Variants in PDRG1 observed in about 807,000 individuals in gnomAD.
PDRG1 encodes p53 and DNA damage regulated 1.
In PDRG1, 14 loss-of-function variants were observed where a neutral mutation model predicts 18.4. That is an observed-to-expected ratio of 0.76 (90% CI 0.50 to 1.19). The LOEUF (loss-of-function observed/expected upper bound fraction) is 1.19. Ranked by LOEUF, PDRG1 falls within the 50% of genes most tolerant of loss-of-function variation. The pLI is 0.00. For synonymous variants in PDRG1, 65 were observed against 60.9 expected (o/e 1.07, Z -0.31); for missense variants, 177 against 160.1 (o/e 1.11, Z -0.57).
chr20:31,951,326 A>G (rs2064350470), intron 1 of PDRG1, among the ~76,000 whole-genome samples: 1 of 152,064 alleles, frequency 6.6e-6, no homozygotes, highest in Non-Finnish European at 1.5e-5. Context: ...CCCCTCACCC[A>G]TCTCCCTGCC....
intron 3 of PDRG1, among the ~76,000 whole-genome samples, chr20:31,946,833 G>A (rs897900573): frequency 1.3e-5 from 2 of 152,176 alleles, no homozygotes; most frequent in Non-Finnish European, 2.9e-5. Flanking sequence ...ACCTTGGGGT[G>A]GTCAGTGGAT....
rs547941675 is a variant in PDRG1, at chr20:31,945,375, G to A, written c.*432C>T. 4.5e-5 allele frequency: 7 copies of A among 155,528 alleles called. No individual in the cohort carries two copies. The highest frequency in any genetic ancestry group is 1.2e-4 in the African/African-American group (5 of 41,636). The allele number at this position is 155,528 out of a possible 1,614,324, so 9.6% of individuals were successfully genotyped here. On this transcript the variant is annotated 3_prime_UTR_variant, in exon 5 of 5. Transcript: ENST00000202017. Reference sequence around the variant, plus strand: ...ATGAGCCTCCTGCTTTATTCCAATCGCATGGCACCAGCCTGAAAACCTCTC... The same window carrying A: ...ATGAGCCTCCTGCTTTATTCCAATCACATGGCACCAGCCTGAAAACCTCTC...
intron 1 of PDRG1, among the ~76,000 whole-genome samples, chr20:31,951,335 C>T (rs1404871039): frequency 6.6e-6 from 1 of 152,216 alleles, no homozygotes; most frequent in Non-Finnish European, 1.5e-5. Context: ...CATCTCCCTG[C>T]CTCCGCCCTT....
In PDRG1 at chr20:31,945,730, C is replaced by T; in HGVS notation, c.*77G>A. The T allele has an allele frequency of 1.7e-6, 2 of 1,187,832 alleles. No homozygotes were observed. The highest frequency in any genetic ancestry group is 1.5e-5 in the African/African-American group (1 of 65,774). The allele number at this position is 1,187,832 out of a possible 1,614,324, so 73.6% of individuals were successfully genotyped here. A position where few individuals can be genotyped will look rare whatever the true frequency, so the allele number is the denominator to read the frequency against. On this transcript the variant is annotated 3_prime_UTR_variant, in exon 5 of 5. Transcript: ENST00000202017. ...CCTTACAGGGCAGATCCTGTCCTTA[C>T]AGGTGTCAAGGTTGGAGGGTCCTGG...
Position 31,948,890 on chromosome 20 carries a change from A to G in PDRG1, c.164-8T>C. On this transcript the variant is annotated splice_polypyrimidine_tract_variant and splice_region_variant and intron_variant, in intron 2 of 4. Coordinates refer to ENST00000202017, the MANE Select transcript of PDRG1 (RefSeq NM_030815.3). ...AGCAAACCATCACATCTTCTGAAAG[A>G]GCAAATAGTAATTCCTTCAACAATT... The G allele has an allele frequency of 1.9e-6, 3 of 1,613,440 alleles. No homozygotes were observed. Among genetic ancestry groups the G allele is most frequent in the Non-Finnish European group, 2.5e-6 (3 of 1,179,630 alleles).
intron 3 of PDRG1, 58 bp downstream of exon 3, chr20:31,948,750 A>G: frequency 6.6e-7 from 1 of 1,507,042 alleles, no homozygotes; most frequent in Non-Finnish European, 9.1e-7. Flanking sequence ...GTTCTGGGTT[A>G]AGACCAAAGC....
intron 1 of PDRG1, 48 bp from the exon 2 acceptor site, chr20:31,950,435 G>A (rs1406552672): frequency 1.4e-6 from 2 of 1,416,948 alleles, no homozygotes; most frequent in African/African-American, 2.8e-5. Flanking sequence ...CTTGCCCCAA[G>A]CTGTCACCTC....
At chr20:31,946,024 G>T in intron 4 of PDRG1, 135 bp from the exon 5 acceptor site, 1 of 657,822 alleles carries the variant, frequency 1.5e-6, no homozygotes, top group Non-Finnish European at 2.6e-6. Context: ...CTCCAATTCT[G>T]CAATGCACCA....
intron 4 of PDRG1, 100 bp from the exon 5 acceptor site, chr20:31,945,989 G>T: frequency 3.1e-6 from 3 of 957,690 alleles, no homozygotes; most frequent in Non-Finnish European, 1.6e-6. Flanking sequence ...GCCAAACTCA[G>T]CCTGGAGGTC....
chr20:31,945,613 G>A lies in PDRG1; in HGVS notation c.*194C>T. ...CACCGAGCCCTGGTGTCCAGGTCCA[G>A]CAGCCAGACAGGCTGAAGGTTCCCT... On this transcript the variant is annotated 3_prime_UTR_variant, in exon 5 of 5. Coordinates refer to ENST00000202017, the MANE Select transcript of PDRG1 (RefSeq NM_030815.3). 2.0e-6 allele frequency: 1 copy of A among 509,652 alleles called. No individual in the cohort carries two copies. The highest frequency in any genetic ancestry group is 2.6e-5 in the South Asian group (1 of 37,758). 31.6% of individuals were successfully genotyped at this position (509,652 alleles called of 1,614,324 possible). A position where few individuals can be genotyped will look rare whatever the true frequency, so the allele number is the denominator to read the frequency against.
At chr20:31,950,250 T>C (rs2064343801) in intron 2 of PDRG1, 62 bp downstream of exon 2, 1 of 1,248,798 alleles carries the variant, frequency 8.0e-7, no homozygotes, top group Non-Finnish European at 1.2e-6. Context: ...AGGAACAAGG[T>C]AAAGGCCTTA....
At chr20:31,950,971 A>G (rs2123681760) in intron 1 of PDRG1, among the ~76,000 whole-genome samples, 1 of 152,190 alleles carries the variant, frequency 6.6e-6, no homozygotes, top group East Asian at 1.9e-4. Context: ...CTCCTCCTCA[A>G]AATGGAGCTA....
At chr20:31,948,948 G>T in intron 2 of PDRG1, 66 bp from the exon 3 acceptor site, 1 of 1,457,102 alleles carries the variant, frequency 6.9e-7, no homozygotes, top group African/African-American at 1.4e-5. Context: ...GCCAGGCATT[G>T]TTTTAGATAC....
intron 1 of PDRG1, 32 bp from the exon 2 acceptor site, chr20:31,950,419 C>T: frequency 1.3e-6 from 2 of 1,534,306 alleles, no homozygotes; most frequent in Non-Finnish European, 1.8e-6. Context: ...GGGAACTCAG[C>T]TATCTCTTGC....
chr20:31,951,914 C>G lies in PDRG1; in HGVS notation c.48G>C (p.Val16=). ...AERVLRYLVE[V]EELAEEVLAD... Reference sequence around the variant, plus strand: ...CCAGCACCTCCTCGGCGAGCTCCTCCACTTCTACAAGGTACCGCAGCACTC... The same window carrying G: ...CCAGCACCTCCTCGGCGAGCTCCTCGACTTCTACAAGGTACCGCAGCACTC... Residue 16 remains valine, a synonymous_variant, in exon 1 of 5, where the codon GTG becomes GTC. Transcript: ENST00000202017. 2 of 1,594,756 alleles carry G rather than the reference C, an allele frequency of 1.3e-6. No homozygotes were observed. Among genetic ancestry groups the G allele is most frequent in the Non-Finnish European group, 1.7e-6 (2 of 1,171,384 alleles).
rs559030586 is a variant in PDRG1 at position 31,952,043 on chromosome 20, A to G, written c.-82T>C. The G allele has an allele frequency of 8.9e-5, 130 of 1,458,882 alleles. 2 individuals carry two copies. The African/African-American group carries it at 1.7e-3, about 19-fold the overall frequency. 90.4% of individuals were successfully genotyped at this position (1,458,882 alleles called of 1,614,324 possible). ...TCCCGCTGCGCACGCGCCGCTCTCTAGGTGCTTCCGGCGCGCCTGCGCAGT... is the reference window on the plus strand; with the variant it reads ...TCCCGCTGCGCACGCGCCGCTCTCTGGGTGCTTCCGGCGCGCCTGCGCAGT... On this transcript the variant is annotated 5_prime_UTR_variant, in exon 1 of 5. Transcript: ENST00000202017.
rs1383443988 is a variant in PDRG1 at position 31,949,162 on chromosome 20, T to C, written c.164-280A>G. 2.0e-5 allele frequency among the ~76,000 whole-genome samples: 3 copies of C among 152,204 alleles called. No individual in the cohort carries two copies. In the East Asian group the frequency reaches 5.8e-4, roughly 29 times the overall value. ...AAGGCCTTACTGATTATATGCTATC[T>C]ACACAGAGACCTAAGGAAAGTGAGA... On this transcript the variant is annotated intron_variant, in intron 2 of 4. Coordinates refer to ENST00000202017, the MANE Select transcript of PDRG1 (RefSeq NM_030815.3).
chr20:31,947,827 T>C (rs1192743520), intron 3 of PDRG1, among the ~76,000 whole-genome samples: 1 of 152,030 alleles, frequency 6.6e-6, no homozygotes, highest in African/African-American at 2.4e-5. Context: ...GAGGCAAAGG[T>C]TGCAGTGAGC....
chr20:31,947,418 C>A (rs138758059), intron 3 of PDRG1, among the ~76,000 whole-genome samples: 1 of 152,176 alleles, frequency 6.6e-6, no homozygotes, highest in African/African-American at 2.4e-5. Context: ...AGTGACAAGA[C>A]GACATTTGGG....
Sources: gnomAD v4.1 joint callset for allele counts (sites outside exome capture counted in the v4.1 genomes callset) on GRCh38, gnomAD v4.1.1 for gene constraint, MANE v1.5 for transcripts, NCBI Gene and HGNC (gene_info 2026-07-23, HGNC 2026-07-21) for gene names.